The following GALNTL6 variants were observed in gnomAD, a reference collection of about 807,000 sequenced individuals.
GALNTL6 encodes polypeptide N-acetylgalactosaminyltransferase-like 6.
GALNTL6 carries 46 observed loss-of-function variants against 73.7 expected under a neutral mutation model. The observed-to-expected ratio is 0.62, with a 90% confidence interval of 0.49 to 0.80. GALNTL6 has a LOEUF of 0.80. GALNTL6 is among the 30% of genes least tolerant of loss of function. GALNTL6 has a pLI of 0.00. For missense variants in GALNTL6, 604 were observed against 755.0 expected (o/e 0.80, Z 2.34); for synonymous variants, 259 against 263.7 (o/e 0.98, Z 0.17).
chr4:172,529,925 A>G, intron 5 of GALNTL6, among the ~76,000 whole-genome samples: 1 of 148,664 alleles, frequency 6.7e-6, no homozygotes, highest in African/African-American at 2.5e-5. Flanking sequence ...TATTTTTAGT[A>G]GAGACAGGAT....
At chr4:172,674,753 A>T (rs185045542) in intron 5 of GALNTL6, among the ~76,000 whole-genome samples, 5 of 152,160 alleles carry the variant, frequency 3.3e-5, no homozygotes, top group Non-Finnish European at 7.4e-5. Flanking sequence ...TCCTCTGCTT[A>T]GTCTATTCTG....
At position 172,849,517 on chromosome 4, in the gene GALNTL6, T is replaced by C. The variant is rs907698387; in HGVS notation, c.924-33273T>C. Among the ~76,000 whole-genome samples the C allele has an allele frequency of 4.6e-5, 7 of 152,246 alleles. No individual in the cohort carries two copies. The East Asian group carries it at 5.8e-4, about 13-fold the overall frequency. ...ATGAATGAATGAATGGGAGAGTAGA[T>C]GGATGAATGAGCAAATGAATGGCAT... On this transcript the variant is annotated intron_variant, in intron 7 of 12. Transcript: ENST00000506823.
rs192316287 is a variant in GALNTL6, at chr4:172,968,017, C to T, written c.1371+15759C>T. On this transcript the variant is annotated intron_variant, in intron 10 of 12. Transcript: ENST00000506823. Reference sequence around the variant, plus strand: ...ATTTCTGATGCTAAAAGCATGGCAACGCCATGCTTTTGTTTAATCATCAAG... The same window carrying T: ...ATTTCTGATGCTAAAAGCATGGCAATGCCATGCTTTTGTTTAATCATCAAG... 2.0e-4 allele frequency among the ~76,000 whole-genome samples: 31 copies of T among 152,192 alleles called. No individual in the cohort carries two copies. The East Asian group carries it at 3.7e-3, about 18-fold the overall frequency.
intron 5 of GALNTL6, among the ~76,000 whole-genome samples, chr4:172,618,502 A>G (rs1416288831): frequency 6.6e-6 from 1 of 152,184 alleles, no homozygotes; most frequent in East Asian, 1.9e-4. Flanking sequence ...TAAATTTAGT[A>G]AAGAGAGAAA....
intron 5 of GALNTL6, among the ~76,000 whole-genome samples, chr4:172,555,774 G>T (rs755096618): frequency 6.6e-6 from 1 of 151,976 alleles, no homozygotes; most frequent in Non-Finnish European, 1.5e-5. Context: ...TATTTTAAAA[G>T]AATTTTTAAC....
chr4:172,771,894 C>T (rs4449389), intron 5 of GALNTL6, among the ~76,000 whole-genome samples: 22,899 of 151,816 alleles, frequency 0.15, 1,988 homozygotes, highest in Admixed American at 0.25. Context: ...TTAAGTAGAT[C>T]GGAACATTCA....
At chr4:172,694,183 T>G (rs576364536) in intron 5 of GALNTL6, among the ~76,000 whole-genome samples, 12 of 152,170 alleles carry the variant, frequency 7.9e-5, no homozygotes, top group African/African-American at 2.9e-4. Context: ...ATGTGCAGAT[T>G]TGTTACATGG....
Position 171,927,314 on chromosome 4 carries a change from G to T in GALNTL6, c.138+112596G>T, listed in dbSNP as rs1395230327. Among the ~76,000 whole-genome samples, 7 of 152,124 alleles carry T rather than the reference G, an allele frequency of 4.6e-5. No homozygotes were observed. The East Asian group carries it at 1.3e-3, about 29-fold the overall frequency. On this transcript the variant is annotated intron_variant, in intron 2 of 12. Coordinates refer to ENST00000506823, the MANE Select transcript of GALNTL6 (RefSeq NM_001034845.3). ...TTTCTTTTTTTGTTTTTTAGAAGAA[G>T]AGTCAGCTTGCTACATTTTAACAAT... is the stretch of plus-strand genomic sequence containing the variant.
chr4:172,286,237 A>G (rs538320157), intron 3 of GALNTL6, among the ~76,000 whole-genome samples: 92 of 152,318 alleles, frequency 6.0e-4, no homozygotes, highest in African/African-American at 1.8e-3. Flanking sequence ...TTGTCTACAT[A>G]ATAGTTCCTC....
At chr4:172,674,352 T>C (rs1489534489) in intron 5 of GALNTL6, among the ~76,000 whole-genome samples, 2 of 152,178 alleles carry the variant, frequency 1.3e-5, no homozygotes, top group Non-Finnish European at 2.9e-5. Context: ...TCATGAGCTT[T>C]CCTTTGTAGG....
intron 5 of GALNTL6, among the ~76,000 whole-genome samples, chr4:172,537,223 A>G (rs1300856648): frequency 1.3e-5 from 2 of 152,164 alleles, no homozygotes; most frequent in Non-Finnish European, 2.9e-5. Flanking sequence ...AGGACATGAG[A>G]TTTCGGAGGG....
Position 172,342,902 on chromosome 4 carries a change from C to T in GALNTL6, c.387-5621C>T, listed in dbSNP as rs568324772. ...GCAATGTGCCATTTTAGGGATACAT[C>T]ATCTAATTACTAGCTTGATACCCAT... On this transcript the variant is annotated intron_variant, in intron 4 of 12. Transcript: ENST00000506823. Among the ~76,000 whole-genome samples the T allele has an allele frequency of 5.3e-5, 8 of 152,258 alleles. No homozygotes were observed. The South Asian group carries it at 1.2e-3, about 24-fold the overall frequency.
At chr4:172,760,518 C>T (rs1004044842) in intron 5 of GALNTL6, among the ~76,000 whole-genome samples, 1 of 152,208 alleles carries the variant, frequency 6.6e-6, no homozygotes, top group Non-Finnish European at 1.5e-5. Context: ...GCTTGCTCTG[C>T]TGTGATGACC....
In GALNTL6 at chr4:172,865,257, C is replaced by T. The variant is rs143562364; in HGVS notation, c.924-17533C>T. Among the ~76,000 whole-genome samples, 14 of 152,298 alleles carry T rather than the reference C, an allele frequency of 9.2e-5. No individual in the cohort carries two copies. The East Asian group carries it at 1.2e-3, about 13-fold the overall frequency. ...TTCATCTGGGTCTAGTGACCCATTCCGTAAAAATGCCAACACTGCACTATT... is the reference window on the plus strand; with the variant it reads ...TTCATCTGGGTCTAGTGACCCATTCTGTAAAAATGCCAACACTGCACTATT... On this transcript the variant is annotated intron_variant, in intron 7 of 12. Transcript: ENST00000506823.
intron 2 of GALNTL6, among the ~76,000 whole-genome samples, chr4:172,099,133 G>A (rs866661632): frequency 6.6e-6 from 1 of 152,036 alleles, no homozygotes; most frequent in Non-Finnish European, 1.5e-5. Flanking sequence ...AAAAAATGCT[G>A]CTTCAAACAC....
Position 172,044,193 on chromosome 4 carries a change from G to A in GALNTL6, c.139-185463G>A, listed in dbSNP as rs544372376. Among the ~76,000 whole-genome samples, 25 of 151,760 alleles carry A rather than the reference G, an allele frequency of 1.6e-4. 1 individual carries two copies. In the South Asian group the frequency reaches 2.7e-3, roughly 16 times the overall value. ...TCTACCATATTTTAGTTACTCAGTC[G>A]CCTAAAATTCCTTCTGGGCACTTCC... On this transcript the variant is annotated intron_variant, in intron 2 of 12. Coordinates refer to ENST00000506823, the MANE Select transcript of GALNTL6 (RefSeq NM_001034845.3).
chr4:171,822,224 A>T (rs1375001303), intron 2 of GALNTL6, among the ~76,000 whole-genome samples: 2 of 152,242 alleles, frequency 1.3e-5, no homozygotes, highest in African/African-American at 2.4e-5. Flanking sequence ...TCTCAAAATC[A>T]TTCAGCCACT....
intron 2 of GALNTL6, among the ~76,000 whole-genome samples, chr4:171,834,113 A>T (rs146032084): frequency 1.3e-5 from 2 of 152,040 alleles, no homozygotes; most frequent in East Asian, 3.9e-4. Flanking sequence ...ACATTTGGAA[A>T]CCTGTTTGTA....
chr4:171,814,291 A>T (rs955705042), intron 1 of GALNTL6, 121 bp from the exon 2 acceptor site: 8 of 457,046 alleles, frequency 1.8e-5, no homozygotes, highest in South Asian at 1.6e-4. Context: ...CTATTGCTTT[A>T]TATTAATGGA....
Sources: gnomAD v4.1 joint callset for allele counts (sites outside exome capture counted in the v4.1 genomes callset) on GRCh38, gnomAD v4.1.1 for gene constraint, MANE v1.5 for transcripts, NCBI Gene and HGNC (gene_info 2026-07-23, HGNC 2026-07-21) for gene names.